ATXN7L1: variants seen among roughly 807,000 people sequenced by gnomAD.
The protein encoded by ATXN7L1 is ataxin-7-like protein 1.
A neutral mutation model predicts 70.8 loss-of-function variants in ATXN7L1; 15 were observed. The observed-to-expected ratio is 0.21, with a 90% confidence interval of 0.14 to 0.33. The LOEUF (loss-of-function observed/expected upper bound fraction) is 0.33, where lower values mean the gene tolerates loss of function less well. Among genes scored for constraint, ATXN7L1 ranks in the 10% least tolerant of loss-of-function variants. ATXN7L1 has a pLI of 1.00. For synonymous variants in ATXN7L1, 440 were observed against 445.1 expected (o/e 0.99, Z 0.14); for missense variants, 975 against 1,097.1 (o/e 0.89, Z 1.57).
At chr7:105,670,428 T>C (rs1803366166) in intron 3 of ATXN7L1, among the ~76,000 whole-genome samples, 1 of 152,218 alleles carries the variant, frequency 6.6e-6, no homozygotes. Context: ...TAAGCAATTT[T>C]AGAGAAAAAG....
At chr7:105,781,192 T>A (rs931176913) in intron 3 of ATXN7L1, among the ~76,000 whole-genome samples, 3 of 152,126 alleles carry the variant, frequency 2.0e-5, no homozygotes, top group Non-Finnish European at 4.4e-5. Context: ...GTGCCCATGC[T>A]GAGAAACCCT....
intron 4 of ATXN7L1, among the ~76,000 whole-genome samples, chr7:105,655,567 C>T (rs1800493023): frequency 6.6e-6 from 1 of 151,978 alleles, no homozygotes; most frequent in Non-Finnish European, 1.5e-5. Flanking sequence ...GTCTGCGGCT[C>T]CTTGGGTTGC....
chr7:105,782,852 C>T (rs887430524), intron 3 of ATXN7L1, among the ~76,000 whole-genome samples: 21 of 152,300 alleles, frequency 1.4e-4, no homozygotes, highest in Admixed American at 1.2e-3. Context: ...GAATCACAGG[C>T]GAAAGTCTGT....
intron 3 of ATXN7L1, among the ~76,000 whole-genome samples, chr7:105,738,552 A>G (rs16871945): frequency 0.019 from 2,866 of 152,376 alleles, 40 homozygotes; most frequent in East Asian, 0.041. Flanking sequence ...TTTAACTTGT[A>G]AAAGAATCCT....
Position 105,638,535 on chromosome 7 carries a change from T to C in ATXN7L1, c.1020A>G (p.Lys340=). 3.2e-6 allele frequency: 5 copies of C among 1,552,206 alleles called. No individual in the cohort carries two copies. The highest frequency in any genetic ancestry group is 4.4e-6 in the Non-Finnish European group (5 of 1,147,100). The change falls in exon 7 of 12, where the codon AAA becomes AAG. Residue 340 remains lysine (K), a synonymous_variant. Transcript: ENST00000419735. ...TAACTTCTTTTTCCCGGGACTTTGC[T>C]TTGTGTTCTGCCAGGAGGAGGTCAA... is the stretch of plus-strand genomic sequence containing the variant. ...KQFDLLLAEH[K]AKSREKEVKD...
chr7:105,674,665 A>G (rs767107237), intron 3 of ATXN7L1, among the ~76,000 whole-genome samples: 1 of 152,190 alleles, frequency 6.6e-6, no homozygotes, highest in South Asian at 2.1e-4. Flanking sequence ...TGCAACTGGG[A>G]TGATTCTTAC....
intron 9 of ATXN7L1, among the ~76,000 whole-genome samples, chr7:105,619,516 ATATATATATATATATTTTTTTTT>A (rs1223594857): frequency 7.0e-3 from 167 of 23,742 alleles, no homozygotes; most frequent in Non-Finnish European, 0.011. Flanking sequence ...ATATATATAT[ATATATATATATATATTTTTTTTT>A]TTTTTTTTTT....
chr7:105,806,919 AAGGGTGACTT>A (rs76534232), intron 2 of ATXN7L1, among the ~76,000 whole-genome samples: 37,052 of 152,052 alleles, frequency 0.24, 4,699 homozygotes, highest in East Asian at 0.46. Context: ...ACAACCAAGA[AAGGGTGACTT>A]ACTTGTTTCA....
Position 105,614,233 on chromosome 7 carries a change from G to A in ATXN7L1, c.2101C>T (p.His701Tyr). ...GGGCTCACCCCATTGTTTGAGTTGT[G>A]CACAGACAGGCTGTTATAGGGAGGG... The part of the protein sequence containing the change: ...AAPPYNSLSV[H>Y]NSNNGVSPLS... The change falls in exon 10 of 12, where the codon CAC (histidine) becomes TAC (tyrosine). Residue 701 changes from histidine to tyrosine, a missense_variant. Physicochemically the swap from His to Tyr is moderately conservative, Grantham distance 83 (BLOSUM62 2). This residue lies in a region of ATXN7L1 where 635 missense variants were observed against 699.4 expected (regional missense o/e 0.91). Coordinates refer to ENST00000419735, the MANE Select transcript of ATXN7L1 (RefSeq NM_020725.2). This position sits in a 1 kb window ranked among gnomAD's most constrained non-coding sequence, Gnocchi z 4.3. The A allele has an allele frequency of 1.9e-6, 3 of 1,551,714 alleles. No individual in the cohort carries two copies. Among genetic ancestry groups the A allele is most frequent in the Non-Finnish European group, 2.6e-6 (3 of 1,147,014 alleles).
intron 3 of ATXN7L1, among the ~76,000 whole-genome samples, chr7:105,705,780 G>A (rs901311505): frequency 7.2e-5 from 11 of 152,160 alleles, no homozygotes; most frequent in Admixed American, 3.3e-4. Flanking sequence ...TCAAACATTA[G>A]CGCATTTGGG....
intron 3 of ATXN7L1, among the ~76,000 whole-genome samples, chr7:105,744,983 C>G (rs1013942467): frequency 6.6e-6 from 1 of 152,112 alleles, no homozygotes; most frequent in African/African-American, 2.4e-5. Context: ...GGTGATCCAT[C>G]TGCCTTAGCC....
intron 9 of ATXN7L1, among the ~76,000 whole-genome samples, chr7:105,619,140 GTT>G (rs1191774371): frequency 4.0e-4 from 20 of 49,842 alleles, no homozygotes; most frequent in East Asian, 3.3e-3. Flanking sequence ...GAAATCTTTA[GTT>G]TTTTTTTTTT....
intron 3 of ATXN7L1, chr7:105,788,090 T>C (rs1295890609): frequency 7.0e-6 from 1 of 142,834 alleles, no homozygotes; most frequent in Non-Finnish European, 1.5e-5. Context: ...CCACCTGGGA[T>C]TTTTTTTAAC....
At chr7:105,840,984 C>T (rs1813121695) in intron 2 of ATXN7L1, among the ~76,000 whole-genome samples, 1 of 152,166 alleles carries the variant, frequency 6.6e-6, no homozygotes. Flanking sequence ...TTGGTGAACT[C>T]CAGGAGGAAT....
At chr7:105,741,935 T>C (rs1798063564) in intron 3 of ATXN7L1, among the ~76,000 whole-genome samples, 1 of 152,152 alleles carries the variant, frequency 6.6e-6, no homozygotes. Context: ...AGGGAGCAGA[T>C]TCTCTCTCGC....
Position 105,614,844 on chromosome 7 carries a change from A to G in ATXN7L1, c.1518-28T>C. The G allele has an allele frequency of 6.5e-7, 1 of 1,530,456 alleles. No homozygotes were observed. Among genetic ancestry groups the G allele is most frequent in the African/African-American group, 1.4e-5 (1 of 72,632 alleles). The allele number at this position is 1,530,456 out of a possible 1,614,324, so 94.8% of individuals were successfully genotyped here. A position where few individuals can be genotyped will look rare whatever the true frequency, so the allele number is the denominator to read the frequency against. On this transcript the variant is annotated intron_variant, in intron 9 of 11. Coordinates refer to ENST00000419735, the MANE Select transcript of ATXN7L1 (RefSeq NM_020725.2). The surrounding 1 kb of genome is among the most constrained non-coding windows in gnomAD (Gnocchi z 4.3). Reference sequence around the variant, plus strand: ...AAACATGAGAGAAGAGTGAAAGAGAATCAGTGAGACATCGGGTTGGCATTG... The same window carrying G: ...AAACATGAGAGAAGAGTGAAAGAGAGTCAGTGAGACATCGGGTTGGCATTG...
chr7:105,659,550 G>A (rs1271573179), intron 4 of ATXN7L1, among the ~76,000 whole-genome samples: 1 of 152,200 alleles, frequency 6.6e-6, no homozygotes, highest in African/African-American at 2.4e-5. Flanking sequence ...GGAAGTGAAT[G>A]AGGAAAGGGC....
At chr7:105,860,687 A>G (rs1420447899) in intron 2 of ATXN7L1, among the ~76,000 whole-genome samples, 1 of 152,242 alleles carries the variant, frequency 6.6e-6, no homozygotes, top group Admixed American at 6.5e-5. Context: ...CCTTGACACT[A>G]CTGAACTTTA....
rs193295932 is a variant in ATXN7L1, at chr7:105,781,188, A to G, written c.355+7416T>C. ...TCAGCCCAAAATGTCCACAGTGCCC[A>G]TGCTGAGAAACCCTGCTTTACTGTA... On this transcript the variant is annotated intron_variant, in intron 3 of 11. Coordinates refer to ENST00000419735, the MANE Select transcript of ATXN7L1 (RefSeq NM_020725.2). Among the ~76,000 whole-genome samples the G allele has an allele frequency of 3.3e-4, 51 of 152,332 alleles. 1 individual carries two copies. The highest frequency in any genetic ancestry group is 7.8e-4 in the Admixed American group (12 of 15,306).
Sources: gnomAD v4.1 joint callset for allele counts (sites outside exome capture counted in the v4.1 genomes callset) on GRCh38, gnomAD v4.1.1 for gene constraint, gnomAD v4.1.1 regional missense constraint, Gnocchi (gnomAD v3.1) non-coding constraint, MANE v1.5 for transcripts, NCBI Gene and HGNC (gene_info 2026-07-23, HGNC 2026-07-21) for gene names.